Variants in GABRG3 observed in about 807,000 individuals in gnomAD.
GABRG3 encodes gamma-aminobutyric acid type A receptor subunit gamma3.
A neutral mutation model predicts 48.8 loss-of-function variants in GABRG3; 25 were observed. That is an observed-to-expected ratio of 0.51 (90% CI 0.37 to 0.72). GABRG3 has a LOEUF of 0.72. Among genes scored for constraint, GABRG3 ranks in the 30% least tolerant of loss-of-function variants. The pLI is 0.00. For synonymous variants in GABRG3, 227 were observed against 217.6 expected, an observed-to-expected ratio of 1.04 and a Z score of -0.38; for missense variants, 394 against 577.9, an observed-to-expected ratio of 0.68 and a Z score of 3.26.
chr15:27,268,255 A>G (rs749305939), intron 3 of GABRG3, among the ~76,000 whole-genome samples: 9 of 152,176 alleles, frequency 5.9e-5, no homozygotes, highest in East Asian at 1.9e-4. Flanking sequence ...CTTCAGTGCA[A>G]TTTGGCCATT....
At chr15:27,495,979 A>T (rs545018619) in intron 6 of GABRG3, among the ~76,000 whole-genome samples, 4 of 152,330 alleles carry the variant, frequency 2.6e-5, no homozygotes, top group Non-Finnish European at 5.9e-5. Flanking sequence ...GAGGAGAGGG[A>T]CATTGTCTCC....
chr15:27,273,565 G>A (rs74004783), intron 3 of GABRG3, among the ~76,000 whole-genome samples: 44 of 152,292 alleles, frequency 2.9e-4, no homozygotes, highest in African/African-American at 9.9e-4. Flanking sequence ...CGCAGAAGTC[G>A]TATGAGCTAT....
chr15:27,154,021 A>G lies in GABRG3; in HGVS notation c.270+127200A>G, dbSNP rs530123214. ...TTGTGTGAGGCTTTATGTTAACCTT[A>G]CTAGGAGTTGGGCTGTGCTTAGTAT... On this transcript the variant is annotated intron_variant, in intron 3 of 9. Coordinates refer to ENST00000615808, the MANE Select transcript of GABRG3 (RefSeq NM_033223.5). Among the ~76,000 whole-genome samples the G allele has an allele frequency of 2.6e-5, 4 of 152,310 alleles. No individual in the cohort carries two copies. In the East Asian group the frequency reaches 7.7e-4, roughly 29 times the overall value.
Position 27,179,368 on chromosome 15 carries a change from A to G in GABRG3, c.271-147441A>G, listed in dbSNP as rs1479568597. On this transcript the variant is annotated intron_variant, in intron 3 of 9. Coordinates refer to ENST00000615808, the MANE Select transcript of GABRG3 (RefSeq NM_033223.5). This position sits in a 1 kb window ranked among gnomAD's most constrained non-coding sequence, Gnocchi z 4.0. ...TGAGAATAGCACATTAGCCACATTC[A>G]AAATAAGGTACGTTGTGCTTTTTCC... Among the ~76,000 whole-genome samples the G allele has an allele frequency of 1.3e-5, 2 of 152,202 alleles. No homozygotes were observed. The highest frequency in any genetic ancestry group is 2.9e-5 in the Non-Finnish European group (2 of 68,046).
At chr15:27,505,331 T>A (rs2150856102) in intron 6 of GABRG3, among the ~76,000 whole-genome samples, 1 of 152,304 alleles carries the variant, frequency 6.6e-6, no homozygotes, top group South Asian at 2.1e-4. Context: ...TCTGCCAGAT[T>A]TCCCCACTGT....
At position 27,532,812 on chromosome 15, in the gene GABRG3, C is replaced by T; in HGVS notation, c.1335C>T (p.Ser445=). ...ACATCTTGGAGCTGGACTCGTACTC[C>T]CGGGTCTTTTTCCCCACGTCCTTCC... is the stretch of plus-strand genomic sequence containing the variant. ...HIDILELDSY[S]RVFFPTSFLL... is the part of the protein sequence containing the mutation. The change falls in exon 10 of 10, where the codon TCC becomes TCT. Residue 445 remains serine, a synonymous_variant. Coordinates refer to ENST00000615808, the MANE Select transcript of GABRG3 (RefSeq NM_033223.5). The T allele has an allele frequency of 6.2e-7, 1 of 1,613,974 alleles. No individual in the cohort carries two copies. The highest frequency in any genetic ancestry group is 8.5e-7 in the Non-Finnish European group (1 of 1,179,886).
chr15:27,099,347 TC>T (rs1897317821), intron 3 of GABRG3, among the ~76,000 whole-genome samples: 1 of 152,140 alleles, frequency 6.6e-6, no homozygotes. Flanking sequence ...AGGCTGGAAG[TC>T]CAAGATCATC....
chr15:27,064,592 A>C (rs558204374), intron 3 of GABRG3, among the ~76,000 whole-genome samples: 6 of 152,050 alleles, frequency 3.9e-5, no homozygotes, highest in African/African-American at 1.4e-4. Flanking sequence ...TTCAGGAAGC[A>C]TCCTAAATAA....
intron 3 of GABRG3, among the ~76,000 whole-genome samples, chr15:27,035,128 A>G (rs1336630334): frequency 6.6e-6 from 1 of 152,224 alleles, no homozygotes; most frequent in East Asian, 1.9e-4. Flanking sequence ...GAAGAAGAAG[A>G]GAACCCAGGT....
intron 5 of GABRG3, among the ~76,000 whole-genome samples, chr15:27,408,201 C>T (rs1423684238): frequency 6.6e-6 from 1 of 152,168 alleles, no homozygotes; most frequent in Non-Finnish European, 1.5e-5. Flanking sequence ...ATCAGAAACA[C>T]TGGAAAATTA....
intron 3 of GABRG3, among the ~76,000 whole-genome samples, chr15:27,057,718 G>A (rs573410241): frequency 7.2e-4 from 109 of 152,278 alleles, no homozygotes; most frequent in African/African-American, 2.2e-3. Context: ...ATCTTACCAC[G>A]TACTTATTCT....
At chr15:27,086,297 A>C (rs1335032763) in intron 3 of GABRG3, among the ~76,000 whole-genome samples, 6 of 152,100 alleles carry the variant, frequency 3.9e-5, no homozygotes, top group Non-Finnish European at 7.4e-5. Context: ...GCCTGCTCCT[A>C]CTGGGGACAG....
intron 5 of GABRG3, among the ~76,000 whole-genome samples, chr15:27,346,252 CTCT>C (rs1566797276): frequency 6.6e-6 from 1 of 152,128 alleles, no homozygotes; most frequent in Non-Finnish European, 1.5e-5. Flanking sequence ...ATTTCACTCA[CTCT>C]TCTTGCATAG....
chr15:27,107,276 A>T (rs968638593), intron 3 of GABRG3, among the ~76,000 whole-genome samples: 1 of 152,054 alleles, frequency 6.6e-6, no homozygotes, highest in South Asian at 2.1e-4. Flanking sequence ...ATGAGTGTTC[A>T]GTGTTGTCAA....
At chr15:27,289,066 A>T (rs1379576479) in intron 3 of GABRG3, among the ~76,000 whole-genome samples, 1 of 152,074 alleles carries the variant, frequency 6.6e-6, no homozygotes, top group Non-Finnish European at 1.5e-5. Context: ...TATATATATA[A>T]TGTCTTTTAT....
At chr15:27,274,060 C>T (rs1052757416) in intron 3 of GABRG3, among the ~76,000 whole-genome samples, 9 of 152,164 alleles carry the variant, frequency 5.9e-5, no homozygotes, top group Admixed American at 4.6e-4. Flanking sequence ...CTTCCATAGG[C>T]TGCCTGAGCT....
chr15:27,403,056 A>G (rs1887520379), intron 5 of GABRG3, among the ~76,000 whole-genome samples: 2 of 152,188 alleles, frequency 1.3e-5, no homozygotes, highest in Non-Finnish European at 2.9e-5. Context: ...AGTAAAAGAT[A>G]AGATATAAAT....
intron 3 of GABRG3, among the ~76,000 whole-genome samples, chr15:27,198,247 C>G (rs1412825123): frequency 6.6e-6 from 1 of 152,120 alleles, no homozygotes; most frequent in African/African-American, 2.4e-5. Flanking sequence ...TGCAGTCTAT[C>G]CATCTGACAA....
intron 3 of GABRG3, among the ~76,000 whole-genome samples, chr15:27,305,167 G>A (rs1447435888): frequency 1.3e-5 from 2 of 151,720 alleles, no homozygotes; most frequent in African/African-American, 4.8e-5. Context: ...ATTAGTTGAA[G>A]AGACGATTTT....
Sources: gnomAD v4.1 joint callset for allele counts (sites outside exome capture counted in the v4.1 genomes callset) on GRCh38, gnomAD v4.1.1 for gene constraint, Gnocchi (gnomAD v3.1) non-coding constraint, MANE v1.5 for transcripts, NCBI Gene and HGNC (gene_info 2026-07-23, HGNC 2026-07-21) for gene names.